HEATR9: variants seen among roughly 807,000 people sequenced by gnomAD.
HEATR9 encodes HEAT repeat containing 9.
Under a neutral mutation model 68.2 loss-of-function variants are expected in HEATR9, and 54 were observed. The ratio of observed to expected loss-of-function variants is 0.79; its 90% confidence interval spans 0.64 to 0.99. HEATR9 has a LOEUF of 0.99. Ranked by LOEUF, HEATR9 falls within the 50% of genes least tolerant of loss-of-function variation. HEATR9 has a pLI of 0.00. For synonymous variants in HEATR9, 241 were observed against 253.5 expected (o/e 0.95, Z 0.47); for missense variants, 662 against 679.7 (o/e 0.97, Z 0.29).
chr17:35,862,821 A>T, intron 8 of HEATR9, 174 bp downstream of exon 8: 11 of 822,828 alleles, frequency 1.3e-5, no homozygotes, highest in Non-Finnish European at 2.1e-5. Context: ...GAAATGGACT[A>T]GTAAGTGGCC....
chr17:35,868,506 C>T lies in HEATR9; in HGVS notation c.88+149G>A, dbSNP rs374819709. Reference sequence around the variant, plus strand: ...GGAGCCTGAGACCTTGAGGACTGTGCAGAGCCATCAAAGTGTCCAAGGGCC... The same window carrying T: ...GGAGCCTGAGACCTTGAGGACTGTGTAGAGCCATCAAAGTGTCCAAGGGCC... On this transcript the variant is annotated intron_variant, in intron 1 of 14. Transcript: ENST00000604834. 73 of 1,415,054 alleles carry T rather than the reference C, an allele frequency of 5.2e-5. 1 individual carries two copies. The South Asian group carries it at 1.0e-3, about 20-fold the overall frequency. 87.7% of individuals were successfully genotyped at this position (1,415,054 alleles called of 1,614,324 possible).
Position 35,866,761 on chromosome 17 carries a change from G to T in HEATR9, c.101C>A (p.Ala34Asp). The T allele has an allele frequency of 6.2e-7, 1 of 1,614,060 alleles. No individual in the cohort carries two copies. Among genetic ancestry groups the T allele is most frequent in the East Asian group, 2.2e-5 (1 of 44,888 alleles). Residue 34 changes from alanine to aspartate, a missense_variant, in exon 2 of 15, where the codon GCC becomes GAC. Coordinates refer to ENST00000604834, the MANE Select transcript of HEATR9 (RefSeq NM_152781.4). Reference protein sequence around the residue: ...YPDKTKELRKAMAPVHLPLSC... With the variant: ...YPDKTKELRKDMAPVHLPLSC... Reference sequence around the variant, plus strand: ...CAAGGGCAGATGAACAGGAGCCATGGCTTTTCTGAGTTCTGGCAAGAGGGA... The same window carrying T: ...CAAGGGCAGATGAACAGGAGCCATGTCTTTTCTGAGTTCTGGCAAGAGGGA...
chr17:35,863,065 C>A lies in HEATR9; in HGVS notation c.686G>T (p.Gly229Val), dbSNP rs115641363. The A allele has an allele frequency of 6.3e-3, 10,184 of 1,614,124 alleles. 31 individuals carry two copies. Among genetic ancestry groups the A allele is most frequent in the Non-Finnish European group, 7.7e-3 (9,134 of 1,180,014 alleles). The change falls in exon 8 of 15, where the codon GGT becomes GTT. Residue 229 changes from glycine to valine, a missense_variant. Coordinates refer to ENST00000604834, the MANE Select transcript of HEATR9 (RefSeq NM_152781.4). ...LIKQLKEKNE[G>V]QRMETLTGLR... ...CCCCGTCAAAGTCTCCATCCTTTGACCCTCATTTTTCTCCTTCAGCTGTTT... is the reference window on the plus strand; with the variant it reads ...CCCCGTCAAAGTCTCCATCCTTTGAACCTCATTTTTCTCCTTCAGCTGTTT...
rs114367994 is a variant in HEATR9 at position 35,859,914 on chromosome 17, T to G, written c.757-844A>C. 9.2e-4 allele frequency among the ~76,000 whole-genome samples: 140 copies of G among 152,286 alleles called. 1 individual carries two copies. Among genetic ancestry groups the G allele is most frequent in the African/African-American group, 3.3e-3 (138 of 41,556 alleles). On this transcript the variant is annotated intron_variant, in intron 8 of 14. Coordinates refer to ENST00000604834, the MANE Select transcript of HEATR9 (RefSeq NM_152781.4). Reference sequence around the variant, plus strand: ...CTTGCTTTCTACTTCAGTGAGAAAATCAAAGCAACTAGAAAGGAAGTTCCA... The same window carrying G: ...CTTGCTTTCTACTTCAGTGAGAAAAGCAAAGCAACTAGAAAGGAAGTTCCA...
chr17:35,857,399 G>T (rs1324613990), intron 11 of HEATR9, among the ~76,000 whole-genome samples: 1 of 152,168 alleles, frequency 6.6e-6, no homozygotes, highest in Non-Finnish European at 1.5e-5. Flanking sequence ...GGCATTGGGA[G>T]CCAATAGAAA....
At chr17:35,857,921 T>C (rs1182110375) in intron 11 of HEATR9, among the ~76,000 whole-genome samples, 1 of 152,172 alleles carries the variant, frequency 6.6e-6, no homozygotes, top group Admixed American at 6.5e-5. Flanking sequence ...CAATACAGTA[T>C]TTTTAGTAGG....
At chr17:35,861,160 G>A in intron 8 of HEATR9, 1 of 1,581,030 alleles carries the variant, frequency 6.3e-7, no homozygotes, top group Non-Finnish European at 8.7e-7. Context: ...TGCAAGAGGG[G>A]CTCGGATAAG....
At position 35,855,197 on chromosome 17, in the gene HEATR9, T is replaced by A; in HGVS notation, c.1579A>T (p.Lys527Ter). ...NPLFIAKSIT[K>*]VGQKKTPAFP... ...GCAGGCGTTTTCTTTTGGCCTACTT[T>A]GGTGATGGACTTTGCAATAAACAAG... Residue 527 changes from lysine to a stop codon, truncating the protein, a stop_gained, in exon 15 of 15, where the codon AAA (lysine) becomes TAA (stop). Coordinates refer to ENST00000604834, the MANE Select transcript of HEATR9 (RefSeq NM_152781.4). LOFTEE classifies it low-confidence loss of function (END_TRUNC). The A allele has an allele frequency of 6.2e-7, 1 of 1,614,126 alleles. No homozygotes were observed. Among genetic ancestry groups the A allele is most frequent in the Non-Finnish European group, 8.5e-7 (1 of 1,180,010 alleles).
intron 6 of HEATR9, 167 bp from the exon 7 acceptor site, chr17:35,863,726 G>A: frequency 1.4e-6 from 1 of 695,284 alleles, no homozygotes; most frequent in South Asian, 1.8e-5. Context: ...TTCAATGGAA[G>A]GAACAATACA....
intron 3 of HEATR9, 134 bp downstream of exon 3, chr17:35,865,081 C>T (rs985268478): frequency 2.0e-5 from 26 of 1,310,770 alleles, no homozygotes; most frequent in African/African-American, 5.9e-5. Flanking sequence ...TGAGCCAAGC[C>T]GAGCCGCCCT....
At chr17:35,868,612 A>G (rs754696641) in intron 1 of HEATR9, 43 bp downstream of exon 1, 2 of 1,612,970 alleles carry the variant, frequency 1.2e-6, no homozygotes, top group Non-Finnish European at 1.7e-6. Flanking sequence ...TTTCTTTTTC[A>G]GTCCCCTGCT....
At chr17:35,859,383 A>G (rs1462973279) in intron 8 of HEATR9, among the ~76,000 whole-genome samples, 3 of 152,216 alleles carry the variant, frequency 2.0e-5, no homozygotes, top group East Asian at 3.9e-4. Context: ...TGCCTCAGCC[A>G]CTAATCCCAC....
rs536517489 is a variant in HEATR9 at position 35,860,521 on chromosome 17, G to A, written c.757-1451C>T. ...TTTATTTATTTTGAGATGGAGTCTC[G>A]CTCTGTTGCCCAGGCTGGAGTGCAG... On this transcript the variant is annotated intron_variant, in intron 8 of 14. Coordinates refer to ENST00000604834, the MANE Select transcript of HEATR9 (RefSeq NM_152781.4). 6.3e-5 allele frequency among the ~76,000 whole-genome samples: 9 copies of A among 143,690 alleles called. No individual in the cohort carries two copies. The East Asian group carries it at 8.4e-4, about 13-fold the overall frequency. The allele number at this position is 143,690 out of a possible 152,430, so 94.3% of individuals were successfully genotyped here. A position where few individuals can be genotyped will look rare whatever the true frequency, so the allele number is the denominator to read the frequency against.
intron 14 of HEATR9, 71 bp downstream of exon 14, chr17:35,855,593 G>T: frequency 1.4e-6 from 2 of 1,453,232 alleles, no homozygotes. Flanking sequence ...GCAAATGGTG[G>T]TGAGATAGGT....
chr17:35,861,677 C>T, intron 8 of HEATR9: 2 of 550,620 alleles, frequency 3.6e-6, no homozygotes, highest in Non-Finnish European at 6.5e-6. Context: ...GTAAGGCTAA[C>T]CCACTCACTT....
intron 8 of HEATR9, 48 bp from the exon 9 acceptor site, chr17:35,859,118 C>A: frequency 6.5e-7 from 1 of 1,529,092 alleles, no homozygotes; most frequent in Non-Finnish European, 9.0e-7. Flanking sequence ...GTACTTTATG[C>A]CAGGCTTTGT....
intron 8 of HEATR9, among the ~76,000 whole-genome samples, chr17:35,860,229 A>C (rs2087930439): frequency 7.7e-6 from 1 of 129,038 alleles, no homozygotes; most frequent in Non-Finnish European, 1.7e-5. Flanking sequence ...CTAAAAATAC[A>C]AAAAAAAAAA....
In HEATR9 at chr17:35,866,759, T is replaced by C; in HGVS notation, c.103A>G (p.Met35Val). 1 of 1,614,052 alleles carries C rather than the reference T, an allele frequency of 6.2e-7. No homozygotes were observed. Among genetic ancestry groups the C allele is most frequent in the Non-Finnish European group, 8.5e-7 (1 of 1,179,944 alleles). ...PDKTKELRKA[M>V]APVHLPLSCY... is the part of the protein sequence containing the mutation. ...GACAAGGGCAGATGAACAGGAGCCA[T>C]GGCTTTTCTGAGTTCTGGCAAGAGG... is the stretch of plus-strand genomic sequence containing the variant. The change falls in exon 2 of 15, where the codon ATG becomes GTG. Residue 35 changes from methionine to valine, a missense_variant. Coordinates refer to ENST00000604834, the MANE Select transcript of HEATR9 (RefSeq NM_152781.4).
rs1318254654 is a variant in HEATR9 at position 35,855,359 on chromosome 17, T to C, written c.1417A>G (p.Lys473Glu). Residue 473 changes from lysine to glutamate, a missense_variant, in exon 15 of 15, where the codon AAG (lysine) becomes GAG (glutamate). Physicochemically the swap from Lys to Glu is moderately conservative, Grantham distance 56. Transcript: ENST00000604834. ...ACAGAGAGAACCTTGTTTTTCAGCT[T>C]GTTTTGGATCCAGGGATCAATTGAG... Reference protein sequence around the residue: ...CASIDPWIQNKLKNKVLSVYE... With the variant: ...CASIDPWIQNELKNKVLSVYE... The C allele has an allele frequency of 1.9e-6, 3 of 1,614,020 alleles. No homozygotes were observed. In the African/African-American group the frequency reaches 4.0e-5, roughly 22 times the overall value.
Sources: gnomAD v4.1 joint callset for allele counts (sites outside exome capture counted in the v4.1 genomes callset) on GRCh38, gnomAD v4.1.1 for gene constraint, MANE v1.5 for transcripts, NCBI Gene and HGNC (gene_info 2026-07-23, HGNC 2026-07-21) for gene names.